Variants in RBM27 observed in about 807,000 individuals in gnomAD.
The protein encoded by RBM27 is RNA binding motif protein 27, also known as RNA-binding protein 27.
In RBM27, 22 loss-of-function variants were observed where a neutral mutation model predicts 135.3. That is an observed-to-expected ratio of 0.16 (90% CI 0.12 to 0.23). The LOEUF is 0.23. RBM27 is among the 10% of genes least tolerant of loss of function. The probability of loss-of-function intolerance (pLI) is 1.00; values close to 1 mark genes in which losing one functional copy is unlikely to be tolerated. For synonymous variants in RBM27, 481 were observed against 442.4 expected, an observed-to-expected ratio of 1.09 and a Z score of -1.10; for missense variants, 1,009 against 1,281.0, an observed-to-expected ratio of 0.79 and a Z score of 3.24.
At chr5:146,250,497 C>T (rs1318751029) in intron 8 of RBM27, among the ~76,000 whole-genome samples, 1 of 150,914 alleles carries the variant, frequency 6.6e-6, no homozygotes, top group African/African-American at 2.4e-5. Flanking sequence ...TGATGTTGGA[C>T]ATATATAATA....
intron 14 of RBM27, among the ~76,000 whole-genome samples, chr5:146,264,135 C>G (rs989636223): frequency 2.0e-5 from 3 of 151,470 alleles, no homozygotes; most frequent in African/African-American, 4.8e-5. Context: ...AAACAAAAAC[C>G]AAGTTAAGTA....
intron 8 of RBM27, among the ~76,000 whole-genome samples, chr5:146,242,318 C>T (rs146391089): frequency 6.6e-6 from 1 of 152,256 alleles, no homozygotes; most frequent in East Asian, 1.9e-4. Flanking sequence ...GATAATTTCC[C>T]CTTAGCATTT....
intron 1 of RBM27, among the ~76,000 whole-genome samples, chr5:146,210,826 A>G (rs1206211248): frequency 6.6e-6 from 1 of 152,106 alleles, no homozygotes; most frequent in Non-Finnish European, 1.5e-5. Context: ...GGGCGCCTGT[A>G]GTCCCAGCTA....
At chr5:146,208,473 A>T in intron 1 of RBM27, among the ~76,000 whole-genome samples, 1 of 152,030 alleles carries the variant, frequency 6.6e-6, no homozygotes. Context: ...TTTGTTGGCA[A>T]TGCAGTAAAA....
At chr5:146,264,641 T>C (rs1238176967) in intron 14 of RBM27, among the ~76,000 whole-genome samples, 2 of 140,330 alleles carry the variant, frequency 1.4e-5, no homozygotes, top group African/African-American at 5.4e-5. Context: ...ATGGTGATTA[T>C]TACAAAGAGA....
At chr5:146,212,507 C>G (rs1756010263) in intron 1 of RBM27, among the ~76,000 whole-genome samples, 3 of 151,994 alleles carry the variant, frequency 2.0e-5, no homozygotes. Context: ...TGCCACCACA[C>G]CAGGCTAATT....
intron 3 of RBM27, among the ~76,000 whole-genome samples, chr5:146,228,434 A>G (rs1581162347): frequency 6.6e-6 from 1 of 151,052 alleles, no homozygotes; most frequent in East Asian, 2.0e-4. Context: ...GGCACGTGCC[A>G]CCACACGTGG....
At chr5:146,259,020 C>T (rs1009418849) in intron 11 of RBM27, among the ~76,000 whole-genome samples, 2 of 151,984 alleles carry the variant, frequency 1.3e-5, no homozygotes, top group African/African-American at 4.8e-5. Flanking sequence ...CTTGGCCTCC[C>T]AAGGTGCTGG....
chr5:146,235,824 A>T (rs1233583189), intron 7 of RBM27, among the ~76,000 whole-genome samples: 1 of 152,020 alleles, frequency 6.6e-6, no homozygotes, highest in Non-Finnish European at 1.5e-5. Flanking sequence ...AGTAGCTGGG[A>T]CTACAGGCGT....
intron 1 of RBM27, among the ~76,000 whole-genome samples, chr5:146,213,504 A>G (rs1351768096): frequency 1.3e-5 from 2 of 152,198 alleles, no homozygotes; most frequent in Non-Finnish European, 2.9e-5. Flanking sequence ...TCACCTCTGA[A>G]AGAAAGAGCA....
rs55751840 is a variant in RBM27 at position 146,280,850 on chromosome 5, T to TTTTATTTA, written c.2989-3756_2989-3749dup. ...AAATGCCCCTTTTGCAGTCTATTTG[T>TTTTATTTA]TTTATTTATTTATTTATTTATTTTT... On this transcript the variant is annotated intron_variant, in intron 19 of 20. Coordinates refer to ENST00000265271, the MANE Select transcript of RBM27 (RefSeq NM_018989.2). Among the ~76,000 whole-genome samples, 26 of 151,280 alleles carry TTTTATTTA rather than the reference T, an allele frequency of 1.7e-4. 1 individual carries two copies. The highest frequency in any genetic ancestry group is 5.3e-4 in the Admixed American group (8 of 15,084).
At chr5:146,281,817 G>T (rs12189077) in intron 19 of RBM27, among the ~76,000 whole-genome samples, 32,739 of 152,086 alleles carry the variant, frequency 0.22, 4,319 homozygotes, top group Admixed American at 0.33. Context: ...CTAAATATTA[G>T]AGTAGTATTC....
chr5:146,244,948 G>A (rs987848361), intron 8 of RBM27, among the ~76,000 whole-genome samples: 9 of 151,296 alleles, frequency 5.9e-5, no homozygotes, highest in African/African-American at 1.9e-4. Flanking sequence ...ATTCTAGCTC[G>A]CTGCAGCCTT....
intron 1 of RBM27, among the ~76,000 whole-genome samples, chr5:146,209,954 A>G (rs1213073450): frequency 6.6e-6 from 1 of 152,192 alleles, no homozygotes; most frequent in Non-Finnish European, 1.5e-5. Context: ...TGGCCCAATA[A>G]CTATAGGCTA....
In RBM27 at chr5:146,251,857, C is replaced by T. The variant is rs771291957; in HGVS notation, c.1426C>T (p.Pro476Ser). 10 of 1,613,972 alleles carry T rather than the reference C, an allele frequency of 6.2e-6. No homozygotes were observed. The highest frequency in any genetic ancestry group is 8.5e-6 in the Non-Finnish European group (10 of 1,179,984). ...SIGYHTSVSS[P>S]TPLVPDTYEP... Reference sequence around the variant, plus strand: ...TGGATACCATACCTCAGTCTCCAGCCCTACCCCTCTGGTTCCAGGTAAGCT... The same window carrying T: ...TGGATACCATACCTCAGTCTCCAGCTCTACCCCTCTGGTTCCAGGTAAGCT... The change falls in exon 9 of 21, where the codon CCT becomes TCT. Residue 476 changes from proline to serine, a missense_variant. Physicochemically the swap from Pro to Ser is moderately conservative, Grantham distance 74 (BLOSUM62 -1). This residue lies in a region of RBM27 where 329 missense variants were observed against 368.1 expected (regional missense o/e 0.89). Transcript: ENST00000265271.
At chr5:146,231,251 T>C (rs1756917465) in intron 6 of RBM27, among the ~76,000 whole-genome samples, 1 of 152,170 alleles carries the variant, frequency 6.6e-6, no homozygotes, top group Non-Finnish European at 1.5e-5. Flanking sequence ...CACACAGGCA[T>C]GTGCCACCAT....
At chr5:146,231,192 A>G (rs563748931) in intron 6 of RBM27, among the ~76,000 whole-genome samples, 2 of 152,026 alleles carry the variant, frequency 1.3e-5, no homozygotes, top group Non-Finnish European at 2.9e-5. Flanking sequence ...ATGTTGTTTA[A>G]TCTACACTCC....
chr5:146,281,460 A>AATC (rs1759348101), intron 19 of RBM27, among the ~76,000 whole-genome samples: 1 of 152,214 alleles, frequency 6.6e-6, no homozygotes, highest in African/African-American at 2.4e-5. Flanking sequence ...AGGAGTGTCC[A>AATC]ATCTTTTGGC....
In RBM27 at chr5:146,288,503, A is replaced by ATATCCCCTGCCCCCTTTGGGATTTACT. The variant is rs1227260216; in HGVS notation, c.*2475_*2501dup. 6.6e-6 allele frequency: 1 copy of ATATCCCCTGCCCCCTTTGGGATTTACT among 152,096 alleles called. No individual in the cohort carries two copies. The highest frequency in any genetic ancestry group is 2.4e-5 in the African/African-American group (1 of 41,452). The allele number at this position is 152,096 out of a possible 1,614,324, so 9.4% of individuals were successfully genotyped here. On this transcript the variant is annotated 3_prime_UTR_variant, in exon 21 of 21. Coordinates refer to ENST00000265271, the MANE Select transcript of RBM27 (RefSeq NM_018989.2). ...CAGGTTAGCATAAAATAGTTTATAT[A>ATATCCCCTGCCCCCTTTGGGATTTACT]TATCCCCTGCCCCCTTTGGGATTTA...
Sources: allele counts gnomAD v4.1 joint callset (sites outside exome capture counted in the v4.1 genomes callset), GRCh38; gene constraint gnomAD v4.1.1; regional missense constraint gnomAD v4.1.1; transcripts MANE v1.5; gene names NCBI Gene and HGNC (gene_info 2026-07-23, HGNC 2026-07-21).